ADGRD1: variants seen among roughly 807,000 people sequenced by gnomAD.
The protein encoded by ADGRD1 is adhesion G protein-coupled receptor D1, also known as G-protein coupled receptor 133.
In ADGRD1, 77 loss-of-function variants were observed where a neutral mutation model predicts 113.4. The observed-to-expected ratio is 0.68, with a 90% CI of 0.57 to 0.82. The LOEUF (loss-of-function observed/expected upper bound fraction) is 0.82. Ranked by LOEUF, ADGRD1 falls within the 40% of genes least tolerant of loss-of-function variation. The pLI is 0.00. For synonymous variants in ADGRD1, 474 were observed against 475.0 expected (o/e 1.00, Z 0.03); for missense variants, 1,036 against 1,139.1 (o/e 0.91, Z 1.30).
chr12:131,048,563 GC>G (rs1883071820), intron 13 of ADGRD1, among the ~76,000 whole-genome samples: 1 of 152,212 alleles, frequency 6.6e-6, no homozygotes, highest in South Asian at 2.1e-4. Context: ...GTGATCCGGG[GC>G]TCCATGGATT....
intron 12 of ADGRD1, among the ~76,000 whole-genome samples, chr12:131,011,851 C>T (rs925881239): frequency 2.6e-5 from 4 of 152,234 alleles, no homozygotes; most frequent in African/African-American, 9.6e-5. Flanking sequence ...GAGAACCAGG[C>T]TCCTGGCTGA....
intron 18 of ADGRD1, among the ~76,000 whole-genome samples, chr12:131,111,583 C>T (rs574692466): frequency 1.3e-5 from 2 of 152,154 alleles, no homozygotes; most frequent in African/African-American, 4.8e-5. Flanking sequence ...ACTTACAGTA[C>T]AGCTTCTAAG....
intron 2 of ADGRD1, among the ~76,000 whole-genome samples, chr12:130,961,546 C>T (rs1454286953): frequency 6.6e-6 from 1 of 151,952 alleles, no homozygotes; most frequent in Non-Finnish European, 1.5e-5. Flanking sequence ...GGCTGACCTG[C>T]CTAAGAAGAC....
At chr12:131,111,582 A>C (rs1432143632) in intron 18 of ADGRD1, among the ~76,000 whole-genome samples, 1 of 151,632 alleles carries the variant, frequency 6.6e-6, no homozygotes, top group Non-Finnish European at 1.5e-5. Context: ...CACTTACAGT[A>C]CAGCTTCTAA....
At chr12:131,063,198 T>G (rs1884473940) in intron 13 of ADGRD1, among the ~76,000 whole-genome samples, 1 of 152,250 alleles carries the variant, frequency 6.6e-6, no homozygotes, top group South Asian at 2.1e-4. Context: ...ATTATAGATA[T>G]GAATCCTGTG....
chr12:131,055,655 G>C (rs1477587993), intron 13 of ADGRD1, among the ~76,000 whole-genome samples: 1 of 152,152 alleles, frequency 6.6e-6, no homozygotes, highest in Non-Finnish European at 1.5e-5. Context: ...GGGAAAACCT[G>C]GTTTAAACTG....
intron 13 of ADGRD1, among the ~76,000 whole-genome samples, chr12:131,037,158 C>CCTCACTCACGGCACTGGGT (rs1881561601): frequency 7.9e-6 from 1 of 125,964 alleles, no homozygotes; most frequent in African/African-American, 3.0e-5. Flanking sequence ...CGGCACCGGG[C>CCTCACTCACGGCACTGGGT]CTCACTCACT....
intron 18 of ADGRD1, among the ~76,000 whole-genome samples, chr12:131,109,857 C>A (rs192249848): frequency 4.8e-4 from 73 of 152,306 alleles, no homozygotes; most frequent in African/African-American, 1.8e-3. Flanking sequence ...GTGTATTTCT[C>A]CCTTCAATTT....
chr12:131,071,596 A>C (rs1003104614), intron 13 of ADGRD1, among the ~76,000 whole-genome samples: 2 of 152,190 alleles, frequency 1.3e-5, no homozygotes, highest in Non-Finnish European at 2.9e-5. Flanking sequence ...GAACCTCTCC[A>C]CACATACCAT....
intron 13 of ADGRD1, chr12:131,023,053 A>G (rs1487327031): frequency 6.6e-6 from 1 of 151,988 alleles, no homozygotes; most frequent in African/African-American, 2.4e-5. Context: ...TATTCTCAAT[A>G]ATTTTATTTG....
At chr12:131,054,600 G>A (rs1437567147) in intron 13 of ADGRD1, among the ~76,000 whole-genome samples, 3 of 152,142 alleles carry the variant, frequency 2.0e-5, no homozygotes, top group Non-Finnish European at 4.4e-5. Flanking sequence ...TCGGTTCCCT[G>A]TAATCCATTG....
intron 13 of ADGRD1, among the ~76,000 whole-genome samples, chr12:131,031,646 G>A (rs1291971397): frequency 6.6e-6 from 1 of 151,184 alleles, no homozygotes; most frequent in Non-Finnish European, 1.5e-5. Flanking sequence ...AGGAGTTCTG[G>A]GGCCCCTCTC....
chr12:131,031,036 C>A (rs1436130396), intron 13 of ADGRD1, among the ~76,000 whole-genome samples: 1 of 152,182 alleles, frequency 6.6e-6, no homozygotes, highest in East Asian at 1.9e-4. Context: ...GGTTTCTGAA[C>A]AGGCCACATG....
intron 15 of ADGRD1, among the ~76,000 whole-genome samples, chr12:131,090,521 C>G (rs1010785377): frequency 6.6e-6 from 1 of 152,184 alleles, no homozygotes; most frequent in Non-Finnish European, 1.5e-5. Context: ...AGCCCTCTTC[C>G]TCCTAAGTGG....
At chr12:131,119,613 C>T (rs1950544148) in intron 19 of ADGRD1, among the ~76,000 whole-genome samples, 1 of 152,204 alleles carries the variant, frequency 6.6e-6, no homozygotes, top group Non-Finnish European at 1.5e-5. Context: ...GGTTTCTGAA[C>T]AGGATAGAGT....
At chr12:131,136,865 A>T in intron 22 of ADGRD1, 108 bp from the exon 23 acceptor site, 1 of 892,774 alleles carries the variant, frequency 1.1e-6, no homozygotes. Flanking sequence ...ACCTGGTGTC[A>T]CAGTGTGCGG....
chr12:131,034,367 A>C (rs1043202380), intron 13 of ADGRD1, among the ~76,000 whole-genome samples: 62 of 152,320 alleles, frequency 4.1e-4, no homozygotes, highest in African/African-American at 1.4e-3. Context: ...CAGAGTCGCC[A>C]CTGCCGACCT....
Position 130,985,696 on chromosome 12 carries a change from C to T in ADGRD1, c.491-1399C>T, listed in dbSNP as rs539183748. 2.6e-5 allele frequency among the ~76,000 whole-genome samples: 4 copies of T among 152,120 alleles called. No individual in the cohort carries two copies. In the South Asian group the frequency reaches 8.3e-4, roughly 32 times the overall value. On this transcript the variant is annotated intron_variant, in intron 5 of 24. Transcript: ENST00000261654. Reference sequence around the variant, plus strand: ...CCTCCTGAGTAGCTGGGATTACAGACACCTGCCACCACGCCCAGCTAATTT... The same window carrying T: ...CCTCCTGAGTAGCTGGGATTACAGATACCTGCCACCACGCCCAGCTAATTT...
chr12:131,131,251 T>C (rs1477068275), intron 20 of ADGRD1, among the ~76,000 whole-genome samples: 1 of 152,178 alleles, frequency 6.6e-6, no homozygotes, highest in Non-Finnish European at 1.5e-5. Flanking sequence ...CTGCCGCAGC[T>C]TCTGTGGCTC....
Sources: allele counts gnomAD v4.1 joint callset (sites outside exome capture counted in the v4.1 genomes callset), GRCh38; gene constraint gnomAD v4.1.1; transcripts MANE v1.5; gene names NCBI Gene and HGNC (gene_info 2026-07-23, HGNC 2026-07-21).